ANO1: variants seen among roughly 807,000 people sequenced by gnomAD.
The protein encoded by ANO1 is anoctamin-1.
In ANO1, 59 loss-of-function variants were observed where a neutral mutation model predicts 124.0. The observed-to-expected ratio is 0.48, with a 90% CI of 0.39 to 0.59. The LOEUF is 0.59. Among genes scored for constraint, ANO1 ranks in the 20% least tolerant of loss-of-function variants. ANO1 has a pLI of 0.00. For synonymous variants in ANO1, 529 were observed against 532.0 expected, an observed-to-expected ratio of 0.99 and a Z score of 0.08; for missense variants, 1,059 against 1,328.0, an observed-to-expected ratio of 0.80 and a Z score of 3.15.
At chr11:70,132,185 C>A in intron 11 of ANO1, 106 bp downstream of exon 11, 1 of 1,380,684 alleles carries the variant, frequency 7.2e-7, no homozygotes, top group South Asian at 1.4e-5. Flanking sequence ...CAGGGGTTGT[C>A]GGGAAAAAAC....
At chr11:70,119,494 A>G (rs558146602) in intron 8 of ANO1, among the ~76,000 whole-genome samples, 135 of 150,324 alleles carry the variant, frequency 9.0e-4, no homozygotes, top group Non-Finnish European at 1.5e-3. Context: ...TGCTGGAGGA[A>G]TGAATGATGG....
At chr11:69,980,504 C>G in the ANO1 span, among the ~76,000 whole-genome samples, 1 of 151,628 alleles carries the variant, frequency 6.6e-6, no homozygotes, top group Middle Eastern at 3.2e-3. Context: ...GCCTGTAGTC[C>G]CAGCTACTTG....
intron 19 of ANO1, among the ~76,000 whole-genome samples, chr11:70,163,990 CTTT>C (rs886287252): frequency 1.3e-5 from 2 of 148,690 alleles, no homozygotes; most frequent in Admixed American, 6.7e-5. Context: ...ACTTGGCTAA[CTTT>C]TTTTTTTACT....
intron 18 of ANO1, among the ~76,000 whole-genome samples, chr11:70,162,121 G>A (rs2048074626): frequency 6.6e-6 from 1 of 150,982 alleles, no homozygotes; most frequent in Admixed American, 6.6e-5. Flanking sequence ...CGGGCAGTGA[G>A]GACTCTGGGC....
chr11:70,022,036 T>C (rs1856820324), intron 1 of ANO1, among the ~76,000 whole-genome samples: 1 of 152,056 alleles, frequency 6.6e-6, no homozygotes, highest in Non-Finnish European at 1.5e-5. Context: ...CTCCCTGGGG[T>C]TGGGCCCCTT....
intron 8 of ANO1, among the ~76,000 whole-genome samples, chr11:70,123,472 C>G (rs542723828): frequency 6.6e-6 from 1 of 152,344 alleles, no homozygotes; most frequent in African/African-American, 2.4e-5. Context: ...GCCCTCCAGG[C>G]ACTGGAGGAG....
chr11:70,124,425 G>T lies in ANO1; in HGVS notation c.962+11G>T, dbSNP rs199549487. 1 of 1,613,378 alleles carries T rather than the reference G, an allele frequency of 6.2e-7. No individual in the cohort carries two copies. ...CATCGACCTGGTCAGGTAAGAACGCGCCACAGCCTGCGGGAATCAAGTCCC... is the reference window on the plus strand; with the variant it reads ...CATCGACCTGGTCAGGTAAGAACGCTCCACAGCCTGCGGGAATCAAGTCCC... On this transcript the variant is annotated intron_variant, in intron 9 of 25. Transcript: ENST00000355303.
chr11:70,106,848 G>A (rs2045568805), intron 5 of ANO1, among the ~76,000 whole-genome samples: 1 of 152,188 alleles, frequency 6.6e-6, no homozygotes, highest in South Asian at 2.1e-4. Context: ...GTGTGCAAGT[G>A]GATAGGAGTC....
intron 11 of ANO1, among the ~76,000 whole-genome samples, chr11:70,135,721 A>T (rs1220796242): frequency 6.6e-6 from 1 of 152,228 alleles, no homozygotes. Context: ...CAGTAAGAGC[A>T]CATTCCCAGG....
At position 70,124,412 on chromosome 11, in the gene ANO1, C is replaced by G; in HGVS notation, c.960C>G (p.Val320=). 6.2e-7 allele frequency: 1 copy of G among 1,613,724 alleles called. No individual in the cohort carries two copies. Among genetic ancestry groups the G allele is most frequent in the East Asian group, 2.2e-5 (1 of 44,870 alleles). The part of the protein sequence containing the change: ...VFYKYQPIDL[V]RKYFGEKIGL... Reference sequence around the variant, plus strand: ...ATAAGTACCAGCCCATCGACCTGGTCAGGTAAGAACGCGCCACAGCCTGCG... The same window carrying G: ...ATAAGTACCAGCCCATCGACCTGGTGAGGTAAGAACGCGCCACAGCCTGCG... Residue 320 remains valine (V), a splice_region_variant and synonymous_variant, in exon 9 of 26, where the codon GTC becomes GTG. Transcript: ENST00000355303.
chr11:70,124,471 A>T, intron 9 of ANO1, 57 bp downstream of exon 9: 4 of 1,539,530 alleles, frequency 2.6e-6, no homozygotes, highest in Non-Finnish European at 3.6e-6. Flanking sequence ...GCAGTCGGAT[A>T]ACATCCCTGT....
chr11:70,121,059 T>C (rs2046242673), intron 8 of ANO1, among the ~76,000 whole-genome samples: 1 of 152,164 alleles, frequency 6.6e-6, no homozygotes, highest in South Asian at 2.1e-4. Context: ...TGTAGAAAGC[T>C]GGGAGTAGGC....
intron 1 of ANO1, among the ~76,000 whole-genome samples, chr11:70,022,888 G>A (rs1399992075): frequency 6.6e-6 from 1 of 152,156 alleles, no homozygotes; most frequent in Non-Finnish European, 1.5e-5. Flanking sequence ...ATCATCACAG[G>A]GAGCTTATAA....
At chr11:70,095,251 GGA>G (rs2044806391) in intron 2 of ANO1, among the ~76,000 whole-genome samples, 1 of 33,916 alleles carries the variant, frequency 2.9e-5, no homozygotes, top group African/African-American at 1.4e-4. Flanking sequence ...GAAAAAGAAA[GGA>G]AGGAAGGAAG....
At chr11:70,043,343 A>T (rs1457519924) in intron 1 of ANO1, among the ~76,000 whole-genome samples, 1 of 152,218 alleles carries the variant, frequency 6.6e-6, no homozygotes, top group African/African-American at 2.4e-5. Flanking sequence ...GATTTGTGGA[A>T]CAATACCAAG....
At chr11:70,009,799 G>T (rs931184828) in intron 1 of ANO1, among the ~76,000 whole-genome samples, 15 of 152,016 alleles carry the variant, frequency 9.9e-5, no homozygotes, top group Non-Finnish European at 2.1e-4. Context: ...TCAATATTTT[G>T]GGGGAACAGG....
intron 1 of ANO1, among the ~76,000 whole-genome samples, chr11:70,082,766 C>G (rs2044241841): frequency 6.6e-6 from 1 of 152,152 alleles, no homozygotes; most frequent in Non-Finnish European, 1.5e-5. Flanking sequence ...AAGAAAGGCA[C>G]CCACTCCACT....
At chr11:70,163,808 C>T (rs757749834) in intron 19 of ANO1, among the ~76,000 whole-genome samples, 2 of 151,974 alleles carry the variant, frequency 1.3e-5, no homozygotes, top group Admixed American at 6.6e-5. Flanking sequence ...TGTGGTGGTG[C>T]ATGCCTGTAA....
chr11:70,104,234 A>G lies in ANO1; in HGVS notation c.692+84A>G. The G allele has an allele frequency of 2.8e-6, 4 of 1,427,540 alleles. No homozygotes were observed. The Admixed American group carries it at 1.0e-4, about 36-fold the overall frequency. 88.4% of individuals were successfully genotyped at this position (1,427,540 alleles called of 1,614,324 possible). On this transcript the variant is annotated intron_variant, in intron 4 of 25. Coordinates refer to ENST00000355303, the MANE Select transcript of ANO1 (RefSeq NM_018043.7). ...CTAGCATGAGAAATGCAGATTGATT[A>G]TCTGTCCCCCAAAGAAGAGCGTGTT...
Sources: gnomAD v4.1 joint callset for allele counts (sites outside exome capture counted in the v4.1 genomes callset) on GRCh38, gnomAD v4.1.1 for gene constraint, MANE v1.5 for transcripts, NCBI Gene and HGNC (gene_info 2026-07-23, HGNC 2026-07-21) for gene names.